The following P2RY10 variants were observed in gnomAD, a reference collection of about 807,000 sequenced individuals.
P2RY10 encodes the protein P2Y receptor family member 10.
P2RY10 carries 4 observed loss-of-function variants against 12.1 expected under a neutral mutation model. That is an observed-to-expected ratio of 0.33 (90% CI 0.16 to 0.76). P2RY10 has a LOEUF of 0.76. Among genes scored for constraint, P2RY10 ranks in the 30% least tolerant of loss-of-function variants. The pLI is 0.61. For synonymous variants in P2RY10, 112 were observed against 94.1 expected, an observed-to-expected ratio of 1.19 and a Z score of -1.10; for missense variants, 233 against 264.6, an observed-to-expected ratio of 0.88 and a Z score of 0.83.
rs899667288 is a variant in P2RY10, at chrX:78,952,251, T to C, written c.-98T>C. On this transcript the variant is annotated 5_prime_UTR_variant, in exon 3 of 4. Transcript: ENST00000171757. ...TTTGGCACTCACCAACATACCCTTC[T>C]TTCAAGTGAAAAGGCATCTCTTTTA... 4.0e-6 allele frequency: 3 copies of C among 745,956 alleles called. No homozygotes were observed. In the African/African-American group the frequency reaches 7.0e-5, roughly 17 times the overall value. The allele number at this position is 745,956 out of a possible 1,213,427, so 61.5% of individuals were successfully genotyped here.
At chrX:78,950,548 G>T (rs185718107) in intron 2 of P2RY10, among the ~76,000 whole-genome samples, 38 of 111,347 alleles carry the variant, frequency 3.4e-4, no homozygotes, top group African/African-American at 1.2e-3. Context: ...TAAAGAAATT[G>T]TTCCATTACT....
chrX:78,953,277 T>C (rs375696358), intron 3 of P2RY10, among the ~76,000 whole-genome samples: 21 of 111,796 alleles, frequency 1.9e-4, no homozygotes, highest in African/African-American at 5.8e-4. Flanking sequence ...TATGTGAGAC[T>C]AGGAGAAATG....
At chrX:78,949,534 C>T (rs1922012400) in intron 2 of P2RY10, among the ~76,000 whole-genome samples, 1 of 111,736 alleles carries the variant, frequency 8.9e-6, no homozygotes, top group African/African-American at 3.3e-5. Flanking sequence ...TGATTATTTC[C>T]ACCCATAAAA....
At chrX:78,946,810 G>A (rs1422816197) in intron 1 of P2RY10, among the ~76,000 whole-genome samples, 1 of 112,133 alleles carries the variant, frequency 8.9e-6, no homozygotes, top group Non-Finnish European at 1.9e-5. Context: ...GGCTCAACTG[G>A]GAAAGTTGTA....
intron 2 of P2RY10, among the ~76,000 whole-genome samples, chrX:78,951,498 A>G (rs1288159765): frequency 9.0e-6 from 1 of 111,509 alleles, no homozygotes; most frequent in Non-Finnish European, 1.9e-5. Context: ...TATGCTCTGT[A>G]GTCTTACCTT....
chrX:78,959,747 C>T (rs924909623), intron 3 of P2RY10, among the ~76,000 whole-genome samples: 7 of 111,638 alleles, frequency 6.3e-5, no homozygotes, highest in Admixed American at 9.5e-5. Flanking sequence ...GTGAATGTTG[C>T]CACACCAATA....
chrX:78,953,718 C>G (rs1922210271), intron 3 of P2RY10, among the ~76,000 whole-genome samples: 1 of 111,535 alleles, frequency 9.0e-6, no homozygotes, highest in African/African-American at 3.3e-5. Context: ...TACTATGTCC[C>G]AAAAAACCCT....
chrX:78,957,387 C>CACACACACACACACACAG (rs760263078), intron 3 of P2RY10, among the ~76,000 whole-genome samples: 9 of 75,826 alleles, frequency 1.2e-4, no homozygotes, highest in Non-Finnish European at 2.2e-4. Context: ...CACACACACA[C>CACACACACACACACACAG]AGAGAGAGAG....
intron 2 of P2RY10, among the ~76,000 whole-genome samples, chrX:78,950,021 C>T (rs763757184): frequency 1.8e-5 from 2 of 112,122 alleles, no homozygotes; most frequent in East Asian, 5.5e-4. Context: ...GTGGGAGGGG[C>T]CCCCATCAGC....
In P2RY10 at chrX:78,954,744, T is replaced by C. The variant is rs146728983; in HGVS notation, c.-14+2409T>C. ...TCCATCATCCTTTGCAATTAGCATA[T>C]AGGACACCCACATAGCAGAATGTCT... is the stretch of plus-strand genomic sequence containing the variant. On this transcript the variant is annotated intron_variant, in intron 3 of 3. Coordinates refer to ENST00000171757, the MANE Select transcript of P2RY10 (RefSeq NM_014499.4). 9.1e-3 allele frequency among the ~76,000 whole-genome samples: 1,025 copies of C among 112,345 alleles called. 4 individuals are homozygous for C. Among genetic ancestry groups the C allele is most frequent in the South Asian group, 0.016 (43 of 2,723 alleles).
rs2742212 is a variant in P2RY10, at chrX:78,953,231, G to A, written c.-14+896G>A. ...TAATTTGGCCAACTATTTAATCTGG[G>A]TTAGACACAGGAGGAAATAAGATGA... On this transcript the variant is annotated intron_variant, in intron 3 of 3. Coordinates refer to ENST00000171757, the MANE Select transcript of P2RY10 (RefSeq NM_014499.4). Among the ~76,000 whole-genome samples, 146 of 111,940 alleles carry A rather than the reference G, an allele frequency of 1.3e-3. 1 individual carries two copies. Among genetic ancestry groups the A allele is most frequent in the African/African-American group, 4.1e-3 (127 of 30,786 alleles).
In P2RY10 at chrX:78,962,841, G is replaced by A. The variant is rs776995890; in HGVS notation, c.*1301G>A. Among the ~76,000 whole-genome samples, 17 of 111,180 alleles carry A rather than the reference G, an allele frequency of 1.5e-4. No individual in the cohort carries two copies. The highest frequency in any genetic ancestry group is 4.2e-4 in the African/African-American group (13 of 30,698). On this transcript the variant is annotated 3_prime_UTR_variant, in exon 4 of 4. Transcript: ENST00000171757. Reference sequence around the variant, plus strand: ...AAACCTGGAAATTTGTGTGGAGTTCGCCTAAGCTCACTTTTCCTAAATATA... The same window carrying A: ...AAACCTGGAAATTTGTGTGGAGTTCACCTAAGCTCACTTTTCCTAAATATA...
At position 78,961,968 on chromosome X, in the gene P2RY10, T is replaced by C. The variant is rs1452631108; in HGVS notation, c.*428T>C. 1 of 124,587 alleles carries C rather than the reference T, an allele frequency of 8.0e-6. No individual in the cohort carries two copies. The highest frequency in any genetic ancestry group is 1.8e-5 in the Non-Finnish European group (1 of 55,263). The allele number at this position is 124,587 out of a possible 1,213,427, so 10.3% of individuals were successfully genotyped here. ...TGAGAGTAAAAATGTCTAATCTTTC[T>C]AACAGGTAAATTTTTCTAACAGGCA... On this transcript the variant is annotated 3_prime_UTR_variant, in exon 4 of 4. Coordinates refer to ENST00000171757, the MANE Select transcript of P2RY10 (RefSeq NM_014499.4).
intron 2 of P2RY10, among the ~76,000 whole-genome samples, chrX:78,949,582 G>A (rs757033816): frequency 4.6e-4 from 52 of 112,061 alleles, no homozygotes; most frequent in East Asian, 2.2e-3. Flanking sequence ...TAATTAGGCC[G>A]CCTTCCTAAA....
chrX:78,945,553 TC>T (rs1010208077), intron 1 of P2RY10, 58 bp downstream of exon 1: 1 of 112,018 alleles, frequency 8.9e-6, no homozygotes, highest in African/African-American at 3.2e-5. Context: ...ATTGGTGTGA[TC>T]ATAAAAATCA....
At position 78,961,203 on chromosome X, in the gene P2RY10, C is replaced by T; in HGVS notation, c.683C>T (p.Pro228Leu). Residue 228 changes from proline to leucine, a missense_variant, in exon 4 of 4, where the codon CCA becomes CTA. Transcript: ENST00000171757. ...AAAACTACTATATCCTTGAGACAGCCACCAATGGCTTTCCAAGGGATCAGT... is the reference window on the plus strand; with the variant it reads ...AAAACTACTATATCCTTGAGACAGCTACCAATGGCTTTCCAAGGGATCAGT... ...TWKTTISLRQ[P>L]PMAFQGISER... 8.3e-7 allele frequency: 1 copy of T among 1,208,816 alleles called. No individual in the cohort carries two copies. The highest frequency in any genetic ancestry group is 1.1e-6 in the Non-Finnish European group (1 of 892,847).
chrX:78,955,053 T>C (rs993555746), intron 3 of P2RY10, among the ~76,000 whole-genome samples: 6 of 111,995 alleles, frequency 5.4e-5, no homozygotes, highest in Non-Finnish European at 1.1e-4. Context: ...GAGATAAAGT[T>C]AAAGTTTACC....
intron 3 of P2RY10, among the ~76,000 whole-genome samples, chrX:78,954,643 T>C (rs563964627): frequency 1.8e-5 from 2 of 112,306 alleles, no homozygotes; most frequent in East Asian, 2.8e-4. Flanking sequence ...TAGTTACTTA[T>C]GGCTATCACA....
At chrX:78,958,487 G>A (rs1047689055) in intron 3 of P2RY10, among the ~76,000 whole-genome samples, 2 of 112,182 alleles carry the variant, frequency 1.8e-5, no homozygotes, top group Non-Finnish European at 3.8e-5. Flanking sequence ...GAGCAAGCCA[G>A]GAATGATAGT....
Sources: gnomAD v4.1 joint callset for allele counts (sites outside exome capture counted in the v4.1 genomes callset) on GRCh38, gnomAD v4.1.1 for gene constraint, MANE v1.5 for transcripts, NCBI Gene and HGNC (gene_info 2026-07-23, HGNC 2026-07-21) for gene names.